Variants in AGBL1 observed in about 807,000 individuals in gnomAD.
The protein encoded by AGBL1 is cytosolic carboxypeptidase 4.
In AGBL1, 130 loss-of-function variants were observed where a neutral mutation model predicts 118.9. The ratio of observed to expected loss-of-function variants is 1.09; its 90% CI spans 0.95 to 1.26. The LOEUF (loss-of-function observed/expected upper bound fraction) is 1.26. Ranked by LOEUF, AGBL1 falls within the 50% of genes most tolerant of loss-of-function variation. AGBL1 has a pLI of 0.00. For synonymous variants in AGBL1, 555 were observed against 478.9 expected (o/e 1.16, Z -2.08); for missense variants, 1,584 against 1,298.1 (o/e 1.22, Z -3.38).
At chr15:86,314,408 T>A (rs2079967028) in intron 17 of AGBL1, among the ~76,000 whole-genome samples, 1 of 152,170 alleles carries the variant, frequency 6.6e-6, no homozygotes, top group Non-Finnish European at 1.5e-5. Flanking sequence ...TGAATTCACA[T>A]TAAAAAAGGG....
chr15:86,207,965 C>G (rs914880142), intron 5 of AGBL1, among the ~76,000 whole-genome samples: 7 of 151,690 alleles, frequency 4.6e-5, no homozygotes, highest in Non-Finnish European at 1.0e-4. Flanking sequence ...ATAAACAGCT[C>G]TGATTATTTT....
chr15:86,956,858 T>G (rs914479283), intron 23 of AGBL1, among the ~76,000 whole-genome samples: 8 of 152,100 alleles, frequency 5.3e-5, no homozygotes, highest in Non-Finnish European at 8.8e-5. Context: ...AGAAATTGAA[T>G]GGAATAACAA....
chr15:86,599,049 A>G (rs1273229000), intron 21 of AGBL1, among the ~76,000 whole-genome samples: 1 of 152,124 alleles, frequency 6.6e-6, no homozygotes, highest in African/African-American at 2.4e-5. Flanking sequence ...TTCAATGCTA[A>G]GAGTCTATGT....
chr15:86,228,931 A>G (rs1029078933), intron 6 of AGBL1, among the ~76,000 whole-genome samples: 4 of 152,154 alleles, frequency 2.6e-5, no homozygotes, highest in African/African-American at 9.7e-5. Context: ...TTCTGTGTCT[A>G]TGTAGGCTGG....
Position 86,758,472 on chromosome 15 carries a change from A to G in AGBL1, c.3158+84036A>G, listed in dbSNP as rs534083828. Among the ~76,000 whole-genome samples, 13 of 152,082 alleles carry G rather than the reference A, an allele frequency of 8.5e-5. No individual in the cohort carries two copies. In the South Asian group the frequency reaches 2.1e-3, roughly 24 times the overall value. On this transcript the variant is annotated intron_variant, in intron 22 of 22. Transcript: ENST00000614907. ...TATTGTAATTAATTGATTAATATCT[A>G]TTTCATTCACTGGATGATAAACCTC...
chr15:86,120,266 G>A (rs937925631), intron 1 of AGBL1, among the ~76,000 whole-genome samples: 3 of 152,112 alleles, frequency 2.0e-5, no homozygotes, highest in African/African-American at 7.2e-5. Flanking sequence ...TTAAGGCAAA[G>A]TTCCAGTATT....
chr15:86,797,906 T>C (rs1003536391), intron 22 of AGBL1, among the ~76,000 whole-genome samples: 2 of 152,208 alleles, frequency 1.3e-5, no homozygotes, highest in African/African-American at 2.4e-5. Context: ...TGTCAAATGG[T>C]ATTCTGCTAA....
intron 17 of AGBL1, among the ~76,000 whole-genome samples, chr15:86,396,452 G>T (rs1265064517): frequency 6.6e-6 from 1 of 151,910 alleles, no homozygotes; most frequent in African/African-American, 2.4e-5. Flanking sequence ...CCTGTAACTG[G>T]GCAGAGAGTG....
chr15:86,765,741 G>C (rs963402914), intron 22 of AGBL1, among the ~76,000 whole-genome samples: 9 of 151,856 alleles, frequency 5.9e-5, no homozygotes, highest in Non-Finnish European at 1.0e-4. Flanking sequence ...TGGCAGTGTA[G>C]ATGTTATCTT....
intron 22 of AGBL1, among the ~76,000 whole-genome samples, chr15:86,852,843 G>A (rs1023246342): frequency 6.6e-6 from 1 of 152,194 alleles, no homozygotes; most frequent in Non-Finnish European, 1.5e-5. Flanking sequence ...TGGCTCTCAG[G>A]CCTGGTTGCA....
chr15:86,890,549 C>T (rs2080038826), intron 22 of AGBL1, among the ~76,000 whole-genome samples: 1 of 151,758 alleles, frequency 6.6e-6, no homozygotes, highest in South Asian at 2.1e-4. Flanking sequence ...AGTCTTTAGC[C>T]CATCTTAATT....
chr15:86,645,058 AG>A (rs1372389749), intron 21 of AGBL1, among the ~76,000 whole-genome samples: 3 of 152,170 alleles, frequency 2.0e-5, no homozygotes, highest in African/African-American at 7.2e-5. Flanking sequence ...AACAAAAAAA[AG>A]GAGAAGCTTT....
In AGBL1 at chr15:86,545,831, A is replaced by G. The variant is rs543757938; in HGVS notation, c.2686-171A>G. ...CGATACAATCAATGCCACTCTTGCC[A>G]AAGACACCAGTGATCCGCACATGGC... On this transcript the variant is annotated intron_variant, in intron 19 of 22. Coordinates refer to ENST00000614907, the MANE Select transcript of AGBL1 (RefSeq NM_001386094.1). Among the ~76,000 whole-genome samples, 16 of 152,318 alleles carry G rather than the reference A, an allele frequency of 1.1e-4. No homozygotes were observed. The South Asian group carries it at 1.7e-3, about 16-fold the overall frequency.
chr15:86,878,387 C>T (rs1195136694), intron 22 of AGBL1, among the ~76,000 whole-genome samples: 1 of 152,114 alleles, frequency 6.6e-6, no homozygotes, highest in Non-Finnish European at 1.5e-5. Flanking sequence ...CAAAAACAGG[C>T]AGTGGGCCAG....
At chr15:86,261,812 C>A (rs2078990707) in intron 9 of AGBL1, among the ~76,000 whole-genome samples, 1 of 151,898 alleles carries the variant, frequency 6.6e-6, no homozygotes, top group South Asian at 2.1e-4. Context: ...CAATAAAGTG[C>A]CTGGGATTAT....
intron 24 of AGBL1, among the ~76,000 whole-genome samples, chr15:86,997,331 C>G (rs1184417837): frequency 2.0e-5 from 3 of 152,156 alleles, no homozygotes. Flanking sequence ...CCTCTCTTCC[C>G]TGCATCCTTT....
At chr15:86,979,884 T>G (rs564575637) in intron 23 of AGBL1, among the ~76,000 whole-genome samples, 1 of 152,238 alleles carries the variant, frequency 6.6e-6, no homozygotes, top group Non-Finnish European at 1.5e-5. Context: ...TCTCACTGTT[T>G]CCCTTTCCCA....
At chr15:86,179,426 A>G (rs1248823488) in intron 5 of AGBL1, among the ~76,000 whole-genome samples, 1 of 152,218 alleles carries the variant, frequency 6.6e-6, no homozygotes, top group Non-Finnish European at 1.5e-5. Flanking sequence ...ATCATTATAT[A>G]TGATTGATTA....
At chr15:86,719,029 T>C (rs950124987) in intron 22 of AGBL1, among the ~76,000 whole-genome samples, 5 of 152,102 alleles carry the variant, frequency 3.3e-5, no homozygotes, top group African/African-American at 1.2e-4. Flanking sequence ...CCCCATTCAG[T>C]AGTCTCCCTT....
Sources: allele counts gnomAD v4.1 joint callset (sites outside exome capture counted in the v4.1 genomes callset), GRCh38; gene constraint gnomAD v4.1.1; transcripts MANE v1.5; gene names NCBI Gene and HGNC (gene_info 2026-07-23, HGNC 2026-07-21).